The following ITGB1 variants were observed in gnomAD, a reference collection of about 807,000 sequenced individuals.
The protein encoded by ITGB1 is integrin beta-1.
A neutral mutation model predicts 86.5 loss-of-function variants in ITGB1; 24 were observed. That is an observed-to-expected ratio of 0.28 (90% CI 0.20 to 0.39). The LOEUF is 0.39. Among genes scored for constraint, ITGB1 ranks in the 10% least tolerant of loss-of-function variants. ITGB1 has a pLI of 1.00. For synonymous variants in ITGB1, 323 were observed against 316.8 expected, an observed-to-expected ratio of 1.02 and a Z score of -0.21; for missense variants, 556 against 946.9, an observed-to-expected ratio of 0.59 and a Z score of 5.42.
chr10:32,908,208 T>C, intron 15 of ITGB1, 160 bp downstream of exon 15: 1 of 676,728 alleles, frequency 1.5e-6, no homozygotes, highest in Non-Finnish European at 2.6e-6. Context: ...GGATGCTTTC[T>C]GTTTTTCACT....
At chr10:32,942,269 T>C (rs909824188) in intron 1 of ITGB1, among the ~76,000 whole-genome samples, 3 of 152,172 alleles carry the variant, frequency 2.0e-5, no homozygotes, top group Admixed American at 1.3e-4. Context: ...AGAGAGTTCA[T>C]TCATGCATGA....
intron 1 of ITGB1, among the ~76,000 whole-genome samples, chr10:32,937,576 AAAG>A (rs1199241636): frequency 1.4e-5 from 2 of 143,344 alleles, no homozygotes; most frequent in African/African-American, 5.0e-5. Context: ...AAAAAAAAAA[AAAG>A]AGTTACAAAA....
chr10:32,912,243 G>A, intron 11 of ITGB1, 119 bp from the exon 12 acceptor site: 1 of 766,050 alleles, frequency 1.3e-6, no homozygotes, highest in Admixed American at 2.5e-5. Context: ...ACAGAAGACA[G>A]GTGGTTTCTG....
chr10:32,928,117 C>T lies in ITGB1; in HGVS notation c.524G>A (p.Arg175Lys). 6.3e-7 allele frequency: 1 copy of T among 1,593,920 alleles called. No individual in the cohort carries two copies. Among genetic ancestry groups the T allele is most frequent in the Non-Finnish European group, 8.6e-7 (1 of 1,167,470 alleles). Residue 175 changes from arginine (R) to lysine (K), a missense_variant, in exon 5 of 16, where the codon AGG becomes AAG. Arg to Lys is a conservative substitution (Grantham distance 26). Coordinates refer to ENST00000302278, the MANE Select transcript of ITGB1 (RefSeq NM_002211.4). The part of the protein sequence containing the change: ...LGTDLMNEMR[R>K]ITSDFRIGFG... ...ACCAATTCTGAAGTCCGAAGTAATC[C>T]TCCTCATTTCATTCATCAGATCTGT...
At chr10:32,954,718 T>TA (rs1175621656) in intron 1 of ITGB1, among the ~76,000 whole-genome samples, 2 of 152,180 alleles carry the variant, frequency 1.3e-5, no homozygotes, top group Non-Finnish European at 2.9e-5. Context: ...CTATAAGAAA[T>TA]ACATACATAT....
chr10:32,910,119 C>G, intron 14 of ITGB1, 104 bp downstream of exon 14: 1 of 787,220 alleles, frequency 1.3e-6, no homozygotes, highest in Non-Finnish European at 2.0e-6. Context: ...CCAACTTGAC[C>G]TAAAATATTC....
chr10:32,914,427 G>A (rs886736194), intron 11 of ITGB1, among the ~76,000 whole-genome samples: 53 of 152,238 alleles, frequency 3.5e-4, no homozygotes, highest in Non-Finnish European at 5.7e-4. Flanking sequence ...CCCATCTCAC[G>A]TGCAGAGACA....
chr10:32,927,738 G>C (rs2094969928), intron 5 of ITGB1, among the ~76,000 whole-genome samples: 1 of 150,350 alleles, frequency 6.7e-6, no homozygotes, highest in Non-Finnish European at 1.5e-5. Context: ...AGGTTGCAGT[G>C]AGCCGAGATC....
In ITGB1 at chr10:32,945,463, G is replaced by A. The variant is rs376156292; in HGVS notation, c.1-9905C>T. Among the ~76,000 whole-genome samples, 4 of 152,106 alleles carry A rather than the reference G, an allele frequency of 2.6e-5. No individual in the cohort carries two copies. The East Asian group carries it at 7.8e-4, about 29-fold the overall frequency. On this transcript the variant is annotated intron_variant, in intron 1 of 15. Transcript: ENST00000302278. ...AACACAAAAAAATTAGCCGGGCGTG[G>A]TGGCAGGCGCCTGTAGTCCCAGCTA...
intron 1 of ITGB1, among the ~76,000 whole-genome samples, chr10:32,940,565 A>C (rs1480919519): frequency 6.6e-6 from 1 of 152,144 alleles, no homozygotes; most frequent in East Asian, 1.9e-4. Context: ...GCTCCGTTAT[A>C]ATCTTATGGG....
intron 12 of ITGB1, 56 bp downstream of exon 12, chr10:32,911,830 T>G: frequency 1.3e-6 from 2 of 1,505,644 alleles, no homozygotes; most frequent in East Asian, 2.3e-5. Flanking sequence ...AACTCAAGAT[T>G]TTTCGTGGCA....
chr10:32,915,899 G>A lies in ITGB1; in HGVS notation c.1470-3775C>T, dbSNP rs142479757. ...TAGACCAATATCCCTGATGAACATC[G>A]ATGCAAAAATCCTCAGTAAAATACT... On this transcript the variant is annotated intron_variant, in intron 11 of 15. Coordinates refer to ENST00000302278, the MANE Select transcript of ITGB1 (RefSeq NM_002211.4). 7.0e-3 allele frequency among the ~76,000 whole-genome samples: 1,061 copies of A among 152,156 alleles called. 8 individuals carry two copies. Among genetic ancestry groups the A allele is most frequent in the African/African-American group, 0.021 (860 of 41,490 alleles).
chr10:32,929,721 T>G, intron 4 of ITGB1, 101 bp downstream of exon 4: 1 of 741,238 alleles, frequency 1.3e-6, no homozygotes, highest in Non-Finnish European at 2.4e-6. Context: ...AGTCCACATG[T>G]AAAAACGAGC....
At chr10:32,916,781 G>A (rs2094933024) in intron 11 of ITGB1, among the ~76,000 whole-genome samples, 1 of 152,148 alleles carries the variant, frequency 6.6e-6, no homozygotes, top group African/African-American at 2.4e-5. Flanking sequence ...GTAATTTAGA[G>A]ATTCAATGCC....
chr10:32,902,616 T>G (rs920911849), intron 15 of ITGB1, among the ~76,000 whole-genome samples: 23 of 151,978 alleles, frequency 1.5e-4, no homozygotes, highest in African/African-American at 5.6e-4. Context: ...TAAGAAAAAA[T>G]TAAGATTTTG....
At chr10:32,951,317 A>G (rs2095042161) in intron 1 of ITGB1, among the ~76,000 whole-genome samples, 1 of 152,134 alleles carries the variant, frequency 6.6e-6, no homozygotes. Context: ...GAATCAACAT[A>G]ACAGGAAAAT....
intron 1 of ITGB1, among the ~76,000 whole-genome samples, chr10:32,937,725 T>G (rs949026902): frequency 6.6e-6 from 1 of 152,194 alleles, no homozygotes; most frequent in African/African-American, 2.4e-5. Flanking sequence ...ATGCACAATA[T>G]AAAGACAATG....
chr10:32,941,140 T>C (rs1338594297), intron 1 of ITGB1, among the ~76,000 whole-genome samples: 1 of 151,960 alleles, frequency 6.6e-6, no homozygotes, highest in African/African-American at 2.4e-5. Context: ...TGGAGAAAAG[T>C]GGAGAGAAGA....
intron 4 of ITGB1, 37 bp downstream of exon 4, chr10:32,929,785 T>C (rs1372786294): frequency 1.6e-6 from 2 of 1,213,678 alleles, no homozygotes; most frequent in Non-Finnish European, 2.4e-6. Flanking sequence ...ATGCCTCAAG[T>C]AAACACGCAG....
Sources: gnomAD v4.1 joint callset for allele counts (sites outside exome capture counted in the v4.1 genomes callset) on GRCh38, gnomAD v4.1.1 for gene constraint, MANE v1.5 for transcripts, NCBI Gene and HGNC (gene_info 2026-07-23, HGNC 2026-07-21) for gene names.